The following PCNX3 variants were observed in gnomAD, a reference collection of about 807,000 sequenced individuals.
PCNX3 encodes the protein pecanex-like protein 3.
In PCNX3, 58 loss-of-function variants were observed where a neutral mutation model predicts 207.2. The ratio of observed to expected loss-of-function variants is 0.28; its 90% CI spans 0.23 to 0.35. The LOEUF (loss-of-function observed/expected upper bound fraction) is 0.35, where lower values mean the gene tolerates loss of function less well. Among genes scored for constraint, PCNX3 ranks in the 10% least tolerant of loss-of-function variants. PCNX3 has a pLI of 1.00. For synonymous variants in PCNX3, 1,337 were observed against 1,183.5 expected (o/e 1.13, Z -2.66); for missense variants, 2,410 against 2,774.4 (o/e 0.87, Z 2.95).
Position 65,617,990 on chromosome 11 carries a change from G to A in PCNX3, c.628G>A (p.Ala210Thr). The A allele has an allele frequency of 6.2e-7, 1 of 1,611,516 alleles. No individual in the cohort carries two copies. The highest frequency in any genetic ancestry group is 2.2e-5 in the East Asian group (1 of 44,854). Residue 210 changes from alanine to threonine, a missense_variant, in exon 6 of 35, where the codon GCC becomes ACC. Physicochemically the swap from Ala to Thr is moderately conservative, Grantham distance 58. This residue lies in a region of PCNX3 where 1,104 missense variants were observed against 970.3 expected (regional missense o/e 1.14). Transcript: ENST00000355703. ...PPGAVPDPSL[A>T]STDSSEPSPL... ...AGGGGCTGTCCCAGACCCCTCTCTT[G>A]CCAGTACAGACTCTTCAGAGCCTTC...
At chr11:65,631,330 T>C (rs1855608173) in intron 27 of PCNX3, among the ~76,000 whole-genome samples, 1 of 151,998 alleles carries the variant, frequency 6.6e-6, no homozygotes, top group African/African-American at 2.4e-5. Flanking sequence ...CCTTGAGAAG[T>C]GGGGGTTATT....
Position 65,624,306 on chromosome 11 carries a change from C to T in PCNX3, c.2656C>T (p.Leu886Phe). The T allele has an allele frequency of 6.3e-7, 1 of 1,575,618 alleles. No individual in the cohort carries two copies. The highest frequency in any genetic ancestry group is 8.6e-7 in the Non-Finnish European group (1 of 1,160,020). Residue 886 changes from leucine to phenylalanine, a missense_variant, in exon 14 of 35, where the codon CTC (leucine) becomes TTC (phenylalanine). By Grantham distance (22) the Leu-to-Phe change is conservative (BLOSUM62 0). Transcript: ENST00000355703. ...AGCTCAGCCCTTCCCACCTGTCTCC[C>T]TCTACGGCCTCACGCTCTTCTCTGC... ...GSAQPFPPVS[L>F]YGLTLFSASF...
intron 11 of PCNX3, among the ~76,000 whole-genome samples, chr11:65,622,592 C>T (rs551594310): frequency 1.3e-5 from 2 of 152,094 alleles, no homozygotes; most frequent in South Asian, 2.1e-4. Context: ...ATTCCAAAGT[C>T]CTGCTGAAAA....
At chr11:65,622,021 G>A (rs764464613) in intron 10 of PCNX3, among the ~76,000 whole-genome samples, 11 of 152,194 alleles carry the variant, frequency 7.2e-5, no homozygotes, top group East Asian at 1.9e-4. Flanking sequence ...ACTGGGCGAC[G>A]TCCTGGGAAC....
chr11:65,633,948 C>T (rs10896026), intron 27 of PCNX3, 178 bp from the exon 28 acceptor site: 216,514 of 626,932 alleles, frequency 0.35, 39,658 homozygotes, highest in Middle Eastern at 0.38. Flanking sequence ...CCTCCCTGGT[C>T]TAGGGGAAGG....
intron 11 of PCNX3, among the ~76,000 whole-genome samples, chr11:65,623,262 T>C (rs1855206069): frequency 6.6e-6 from 1 of 152,214 alleles, no homozygotes; most frequent in Admixed American, 6.5e-5. Context: ...CAGCCCTCAA[T>C]GTCCAGAGCA....
chr11:65,617,777 T>C (rs1854825124), intron 5 of PCNX3, 71 bp downstream of exon 5: 3 of 1,524,674 alleles, frequency 2.0e-6, no homozygotes, highest in African/African-American at 2.8e-5. Flanking sequence ...CCCTCAACTT[T>C]GGCTCCATCC....
chr11:65,635,874 C>T lies in PCNX3; in HGVS notation c.5459+71C>T. On this transcript the variant is annotated intron_variant, in intron 32 of 34. Coordinates refer to ENST00000355703, the MANE Select transcript of PCNX3 (RefSeq NM_032223.4). The surrounding 1 kb of genome is among the most constrained non-coding windows in gnomAD (Gnocchi z 9.9). ...GGTGCAGTACGTCCCTCCTGGGTCTCAGAGGGAGGACGTGCTGGAGCCAGG... is the reference window on the plus strand; with the variant it reads ...GGTGCAGTACGTCCCTCCTGGGTCTTAGAGGGAGGACGTGCTGGAGCCAGG... 1.3e-6 allele frequency: 2 copies of T among 1,503,334 alleles called. No individual in the cohort carries two copies. The highest frequency in any genetic ancestry group is 4.7e-5 in the East Asian group (2 of 42,264). The allele number at this position is 1,503,334 out of a possible 1,614,324, so 93.1% of individuals were successfully genotyped here.
At chr11:65,620,307 C>T in intron 8 of PCNX3, 32 bp from the exon 9 acceptor site, 3 of 1,592,674 alleles carry the variant, frequency 1.9e-6, no homozygotes, top group Non-Finnish European at 1.7e-6. Context: ...CTGTCTCTGC[C>T]ACGCTGCCTC....
At chr11:65,621,023 A>T in intron 10 of PCNX3, 57 bp downstream of exon 10, 1 of 1,483,644 alleles carries the variant, frequency 6.7e-7, no homozygotes, top group Non-Finnish European at 9.0e-7. Flanking sequence ...CGGGCAGATC[A>T]CTGAGTCCGG....
Position 65,625,080 on chromosome 11 carries a change from G to A in PCNX3, c.2919+64G>A. 1 of 1,566,984 alleles carries A rather than the reference G, an allele frequency of 6.4e-7. No individual in the cohort carries two copies. The highest frequency in any genetic ancestry group is 8.7e-7 in the Non-Finnish European group (1 of 1,149,118). Reference sequence around the variant, plus strand: ...GTAAGGGTGGTTGGGGCGGGGCTGTGAACTGGGCTCAGCAGTGGCTTCTCA... The same window carrying A: ...GTAAGGGTGGTTGGGGCGGGGCTGTAAACTGGGCTCAGCAGTGGCTTCTCA... On this transcript the variant is annotated intron_variant, in intron 16 of 34. Coordinates refer to ENST00000355703, the MANE Select transcript of PCNX3 (RefSeq NM_032223.4). This position sits in a 1 kb window ranked among gnomAD's most constrained non-coding sequence, Gnocchi z 5.6.
intron 15 of PCNX3, 93 bp from the exon 16 acceptor site, chr11:65,624,832 G>A: frequency 7.5e-7 from 1 of 1,326,332 alleles, no homozygotes; most frequent in Non-Finnish European, 1.0e-6. Flanking sequence ...TTTCCAGGGA[G>A]GCCAGCCTCT....
At chr11:65,622,389 C>A in intron 11 of PCNX3, 23 bp downstream of exon 11, 1 of 1,582,862 alleles carries the variant, frequency 6.3e-7, no homozygotes, top group Admixed American at 1.8e-5. Flanking sequence ...CAGCCTTGGC[C>A]CCCAATTCTT....
chr11:65,617,131 C>G (rs1854779478), intron 2 of PCNX3, 119 bp from the exon 3 acceptor site: 1 of 1,375,192 alleles, frequency 7.3e-7, no homozygotes, highest in South Asian at 1.3e-5. Flanking sequence ...AACACTTGTC[C>G]TGTGTTAGCC....
At chr11:65,616,710 G>C in intron 1 of PCNX3, 114 bp from the exon 2 acceptor site, 8 of 1,194,862 alleles carry the variant, frequency 6.7e-6, no homozygotes, top group South Asian at 1.5e-5. Flanking sequence ...GTTGTGTGGA[G>C]AGGTGATGAA....
At chr11:65,622,041 G>A (rs1855131525) in intron 10 of PCNX3, among the ~76,000 whole-genome samples, 1 of 152,140 alleles carries the variant, frequency 6.6e-6, no homozygotes, top group South Asian at 2.1e-4. Flanking sequence ...CCTGGAGAGA[G>A]GAGGAGCCCT....
In PCNX3 at chr11:65,635,900, G is replaced by A; in HGVS notation, c.5459+97G>A. Reference sequence around the variant, plus strand: ...AGAGGGAGGACGTGCTGGAGCCAGGGCTTGAATCCCGAGAGATGACCCCCT... The same window carrying A: ...AGAGGGAGGACGTGCTGGAGCCAGGACTTGAATCCCGAGAGATGACCCCCT... On this transcript the variant is annotated intron_variant, in intron 32 of 34. Coordinates refer to ENST00000355703, the MANE Select transcript of PCNX3 (RefSeq NM_032223.4). The surrounding 1 kb of genome is among the most constrained non-coding windows in gnomAD (Gnocchi z 9.9). 4.1e-6 allele frequency: 6 copies of A among 1,450,106 alleles called. No individual in the cohort carries two copies. Among genetic ancestry groups the A allele is most frequent in the Non-Finnish European group, 5.5e-6 (6 of 1,093,530 alleles). 89.8% of individuals were successfully genotyped at this position (1,450,106 alleles called of 1,614,324 possible).
rs141777267 is a variant in PCNX3, at chr11:65,622,946, C to T, written c.2358-545C>T. ...TATTAGCTTCTGTTGATTTGAAAAT[C>T]GAGTGCTGTAACCTAGAAAAGCTCA... On this transcript the variant is annotated intron_variant, in intron 11 of 34. Coordinates refer to ENST00000355703, the MANE Select transcript of PCNX3 (RefSeq NM_032223.4). Among the ~76,000 whole-genome samples the T allele has an allele frequency of 4.6e-5, 7 of 151,668 alleles. No individual in the cohort carries two copies. In the East Asian group the frequency reaches 5.8e-4, roughly 13 times the overall value.
intron 8 of PCNX3, 112 bp from the exon 9 acceptor site, chr11:65,620,225 TCA>T: frequency 8.6e-7 from 1 of 1,162,518 alleles, no homozygotes; most frequent in Non-Finnish European, 1.2e-6. Flanking sequence ...GGCTGCCCTC[TCA>T]GAGGACACAG....
Sources: allele counts gnomAD v4.1 joint callset (sites outside exome capture counted in the v4.1 genomes callset), GRCh38; gene constraint gnomAD v4.1.1; regional missense constraint gnomAD v4.1.1; non-coding constraint Gnocchi (gnomAD v3.1); transcripts MANE v1.5; gene names NCBI Gene and HGNC (gene_info 2026-07-23, HGNC 2026-07-21).